Variants in ARHGAP10 observed in about 807,000 individuals in gnomAD.
The protein encoded by ARHGAP10 is rho GTPase-activating protein 10.
In ARHGAP10, 87 loss-of-function variants were observed where a neutral mutation model predicts 108.6. The ratio of observed to expected loss-of-function variants is 0.80; its 90% CI spans 0.67 to 0.96. ARHGAP10 has a LOEUF of 0.96. ARHGAP10 is among the 40% of genes least tolerant of loss of function. The pLI, the probability that ARHGAP10 is intolerant of heterozygous loss-of-function variation, is 0.00. For missense variants in ARHGAP10, 939 were observed against 954.5 expected (o/e 0.98, Z 0.21); for synonymous variants, 347 against 341.1 (o/e 1.02, Z -0.19).
intron 1 of ARHGAP10, among the ~76,000 whole-genome samples, chr4:147,785,723 G>T (rs1284541961): frequency 6.6e-6 from 1 of 152,064 alleles, no homozygotes; most frequent in Non-Finnish European, 1.5e-5. Context: ...CTCTGTCATT[G>T]TTAGCTGTGA....
Position 147,965,010 on chromosome 4 carries a change from T to A in ARHGAP10, c.1451-14T>A. The A allele has an allele frequency of 6.6e-7, 1 of 1,505,990 alleles. No homozygotes were observed. The highest frequency in any genetic ancestry group is 1.8e-4 in the Middle Eastern group (1 of 5,618). The allele number at this position is 1,505,990 out of a possible 1,614,324, so 93.3% of individuals were successfully genotyped here. On this transcript the variant is annotated splice_polypyrimidine_tract_variant and intron_variant, in intron 16 of 22. Coordinates refer to ENST00000336498, the MANE Select transcript of ARHGAP10 (RefSeq NM_024605.4). ...TCTTTATTTTTTTCTTTATTATTAT[T>A]TTTTTTTTGGAAGAAAGCGGCAGCC...
At chr4:147,798,836 G>A (rs1462172342) in intron 1 of ARHGAP10, among the ~76,000 whole-genome samples, 1 of 136,478 alleles carries the variant, frequency 7.3e-6, no homozygotes, top group Non-Finnish European at 1.5e-5. Flanking sequence ...ACCCCCCCAC[G>A]CTTGAAAAAT....
At chr4:147,911,591 T>A (rs1003648685) in intron 12 of ARHGAP10, among the ~76,000 whole-genome samples, 1 of 152,076 alleles carries the variant, frequency 6.6e-6, no homozygotes, top group Admixed American at 6.6e-5. Context: ...CTTGATCTCC[T>A]GACTTCGTGA....
chr4:147,822,260 G>A (rs1001610596), intron 1 of ARHGAP10, among the ~76,000 whole-genome samples: 17 of 152,098 alleles, frequency 1.1e-4, no homozygotes, highest in Non-Finnish European at 7.4e-5. Context: ...TGGTTATTTG[G>A]CAATTGGTTA....
intron 19 of ARHGAP10, among the ~76,000 whole-genome samples, chr4:148,030,004 CA>C (rs1331844127): frequency 6.6e-6 from 1 of 151,642 alleles, no homozygotes; most frequent in Admixed American, 6.6e-5. Context: ...TCCCCCCCCC[CA>C]CCAACCCCAA....
In ARHGAP10 at chr4:147,846,512, T is replaced by G. The variant is rs566146439; in HGVS notation, c.313-639T>G. Among the ~76,000 whole-genome samples, 10 of 152,258 alleles carry G rather than the reference T, an allele frequency of 6.6e-5. No individual in the cohort carries two copies. The South Asian group carries it at 2.1e-3, about 32-fold the overall frequency. On this transcript the variant is annotated intron_variant, in intron 3 of 22. Transcript: ENST00000336498. ...AGCATTTTGTGGCTTAACATGAAAA[T>G]CCCCAAACCAGCCAACATAAAAAGA... is the stretch of plus-strand genomic sequence containing the variant.
intron 13 of ARHGAP10, among the ~76,000 whole-genome samples, chr4:147,936,316 T>C: frequency 1.1e-5 from 1 of 89,244 alleles, no homozygotes. Context: ...CCTTTTCCTC[T>C]CTTTTTTTTT....
At chr4:147,947,599 C>T (rs905453043) in intron 15 of ARHGAP10, among the ~76,000 whole-genome samples, 20 of 151,760 alleles carry the variant, frequency 1.3e-4, no homozygotes, top group African/African-American at 3.6e-4. Context: ...GGTGGGGTTT[C>T]GCCATGTTGA....
chr4:148,023,064 A>T (rs959739631), intron 18 of ARHGAP10, 199 bp from the exon 19 acceptor site: 2 of 502,596 alleles, frequency 4.0e-6, no homozygotes, highest in African/African-American at 3.8e-5. Flanking sequence ...TTTAAATTTA[A>T]TCAGAGATTT....
chr4:147,889,411 T>C (rs974265423), intron 10 of ARHGAP10, among the ~76,000 whole-genome samples: 1 of 152,218 alleles, frequency 6.6e-6, no homozygotes, highest in Non-Finnish European at 1.5e-5. Flanking sequence ...GTGATTCTTC[T>C]GCCTCAGCCT....
At chr4:147,816,833 C>A (rs1042113176) in intron 1 of ARHGAP10, among the ~76,000 whole-genome samples, 7 of 152,160 alleles carry the variant, frequency 4.6e-5, no homozygotes, top group African/African-American at 1.7e-4. Flanking sequence ...CATTTCACTT[C>A]CAAGTTACTT....
intron 22 of ARHGAP10, among the ~76,000 whole-genome samples, chr4:148,064,960 C>G (rs1729799396): frequency 6.6e-6 from 1 of 152,144 alleles, no homozygotes; most frequent in African/African-American, 2.4e-5. Context: ...CATTTTTGTG[C>G]TTTACATTTT....
At chr4:147,799,864 G>T (rs945100305) in intron 1 of ARHGAP10, among the ~76,000 whole-genome samples, 2 of 152,146 alleles carry the variant, frequency 1.3e-5, no homozygotes, top group Admixed American at 1.3e-4. Context: ...TCTTGGTATG[G>T]TGGGTGATTT....
At chr4:147,815,318 T>TA (rs1008962410) in intron 1 of ARHGAP10, among the ~76,000 whole-genome samples, 9 of 152,140 alleles carry the variant, frequency 5.9e-5, no homozygotes, top group Non-Finnish European at 1.2e-4. Flanking sequence ...AAGTGATTAG[T>TA]AGAGTACCTG....
At chr4:147,760,947 C>G (rs1729563664) in intron 1 of ARHGAP10, among the ~76,000 whole-genome samples, 1 of 151,820 alleles carries the variant, frequency 6.6e-6, no homozygotes, top group Admixed American at 6.6e-5. Flanking sequence ...ATTAATAGCT[C>G]TCAACTGAGA....
At chr4:148,023,443 T>C (rs754052950) in intron 19 of ARHGAP10, 30 bp downstream of exon 19, 5 of 1,604,764 alleles carry the variant, frequency 3.1e-6, no homozygotes, top group Non-Finnish European at 4.3e-6. Flanking sequence ...TTTTGCTTGA[T>C]AGCATGTTGA....
chr4:148,047,114 G>A, intron 20 of ARHGAP10, 63 bp downstream of exon 20: 1 of 1,580,374 alleles, frequency 6.3e-7, no homozygotes, highest in Non-Finnish European at 8.6e-7. Context: ...TCATTTTAAA[G>A]TTTCCATGAG....
intron 1 of ARHGAP10, among the ~76,000 whole-genome samples, chr4:147,740,436 T>A (rs1347784655): frequency 6.6e-6 from 1 of 152,212 alleles, no homozygotes; most frequent in Non-Finnish European, 1.5e-5. Flanking sequence ...CGTGGTCTTC[T>A]GCTAGGGAAG....
At chr4:148,020,370 G>T (rs951869277) in intron 18 of ARHGAP10, among the ~76,000 whole-genome samples, 21 of 152,020 alleles carry the variant, frequency 1.4e-4, no homozygotes, top group African/African-American at 4.8e-4. Flanking sequence ...GTGGCATGCT[G>T]GTTTGCTGCA....
Sources: gnomAD v4.1 joint callset for allele counts (sites outside exome capture counted in the v4.1 genomes callset) on GRCh38, gnomAD v4.1.1 for gene constraint, MANE v1.5 for transcripts, NCBI Gene and HGNC (gene_info 2026-07-23, HGNC 2026-07-21) for gene names.